The following ZNF184 variants were observed in gnomAD, a reference collection of about 807,000 sequenced individuals.
ZNF184 encodes zinc finger protein 184, also known as zinc finger protein 184 (Kruppel-like).
ZNF184 carries 16 observed loss-of-function variants against 54.4 expected under a neutral mutation model. That is an observed-to-expected ratio of 0.29 (90% CI 0.20 to 0.45). The LOEUF (loss-of-function observed/expected upper bound fraction) is 0.45, where lower values mean the gene tolerates loss of function less well. Ranked by LOEUF, ZNF184 falls within the 20% of genes least tolerant of loss-of-function variation. The pLI is 1.00. For missense variants in ZNF184, 681 were observed against 888.2 expected, an observed-to-expected ratio of 0.77 and a Z score of 2.97; for synonymous variants, 254 against 295.3, an observed-to-expected ratio of 0.86 and a Z score of 1.43.
At chr6:27,424,342 G>A in the ZNF184 span, among the ~76,000 whole-genome samples, 160 of 152,318 alleles carry the variant, frequency 1.1e-3, no homozygotes, top group Non-Finnish European at 1.5e-3. Context: ...AAAGAACAAA[G>A]CTTCCACAGG....
chr6:27,422,196 G>A, the ZNF184 span, among the ~76,000 whole-genome samples: 7,508 of 44,250 alleles, frequency 0.17, 1,667 homozygotes, highest in Middle Eastern at 0.46. Context: ...AAGAAAGAAA[G>A]AAAGAAAGAA....
the ZNF184 span, among the ~76,000 whole-genome samples, chr6:27,410,512 C>A: frequency 6.6e-6 from 1 of 152,122 alleles, no homozygotes; most frequent in African/African-American, 2.4e-5. Context: ...TGGATTTCAT[C>A]TTTTAAGCAA....
intron 5 of ZNF184, 30 bp downstream of exon 5, chr6:27,456,796 G>T (rs568402419): frequency 1.3e-6 from 2 of 1,576,282 alleles, no homozygotes; most frequent in African/African-American, 1.3e-5. Context: ...CGGAGTTAAT[G>T]ATATTCATCT....
chr6:27,413,216 G>A, the ZNF184 span, among the ~76,000 whole-genome samples: 3 of 152,146 alleles, frequency 2.0e-5, no homozygotes, highest in Non-Finnish European at 4.4e-5. Flanking sequence ...CAGAGATCGT[G>A]CCATTGCACT....
chr6:27,459,552 A>G (rs1371269289), intron 3 of ZNF184, among the ~76,000 whole-genome samples: 1 of 152,200 alleles, frequency 6.6e-6, no homozygotes, highest in Non-Finnish European at 1.5e-5. Context: ...TAAAGTGCTC[A>G]TGTGTCCTAT....
intron 3 of ZNF184, among the ~76,000 whole-genome samples, chr6:27,459,601 A>G (rs557753823): frequency 2.1e-3 from 313 of 152,320 alleles, no homozygotes; most frequent in Non-Finnish European, 3.6e-3. Flanking sequence ...TCTGGGGGGC[A>G]ATCTGACAAG....
chr6:27,458,295 TAAAAAA>T (rs55966783), intron 3 of ZNF184, among the ~76,000 whole-genome samples: 6 of 62,366 alleles, frequency 9.6e-5, no homozygotes, highest in African/African-American at 2.0e-4. Flanking sequence ...TTCTGCACAG[TAAAAAA>T]AAAAAAAAAA....
the ZNF184 span, among the ~76,000 whole-genome samples, chr6:27,411,630 G>A: frequency 0.59 from 89,442 of 152,110 alleles, 26,777 homozygotes; most frequent in Middle Eastern, 0.75. Flanking sequence ...GAGGAAGTCC[G>A]GATAGAAGGC....
At chr6:27,440,286 G>A in the ZNF184 span, among the ~76,000 whole-genome samples, 1 of 152,184 alleles carries the variant, frequency 6.6e-6, no homozygotes, top group Non-Finnish European at 1.5e-5. Context: ...GCACCCAAGA[G>A]AGTCAGTTTT....
the ZNF184 span, among the ~76,000 whole-genome samples, chr6:27,420,095 A>G: frequency 9.8e-5 from 15 of 152,312 alleles, no homozygotes; most frequent in East Asian, 1.7e-3. Flanking sequence ...CTACACTGCA[A>G]TTGCAACCCT....
the ZNF184 span, among the ~76,000 whole-genome samples, chr6:27,423,900 G>A: frequency 6.6e-6 from 1 of 152,128 alleles, no homozygotes; most frequent in Non-Finnish European, 1.5e-5. Context: ...CAGGCTTTCT[G>A]TTTATTTGGA....
intron 3 of ZNF184, among the ~76,000 whole-genome samples, chr6:27,460,314 G>A (rs144274569): frequency 6.6e-6 from 1 of 152,176 alleles, no homozygotes; most frequent in Non-Finnish European, 1.5e-5. Context: ...AACTAAGTGA[G>A]AGAGCAATAA....
chr6:27,424,203 T>C, the ZNF184 span, among the ~76,000 whole-genome samples: 1 of 152,208 alleles, frequency 6.6e-6, no homozygotes, highest in South Asian at 2.1e-4. Context: ...CGTCTGGAGT[T>C]GTTCGTTCTT....
the ZNF184 span, among the ~76,000 whole-genome samples, chr6:27,423,776 G>C: frequency 6.6e-6 from 1 of 152,134 alleles, no homozygotes; most frequent in Non-Finnish European, 1.5e-5. Context: ...TAACAAAAAT[G>C]TTATAATTTA....
chr6:27,416,371 G>A, the ZNF184 span, among the ~76,000 whole-genome samples: 23 of 152,184 alleles, frequency 1.5e-4, 1 homozygote, highest in Middle Eastern at 0.01. Context: ...TGTAGACTTG[G>A]GAAAATGAAT....
In ZNF184 at chr6:27,451,433, T is replaced by C. The variant is rs1460910813; in HGVS notation, c.2126A>G (p.Gln709Arg). ...CTGGTGCTGAATGAGATATGTGCTC[T>C]GGCTAAAAGTCTTTCTGCATTCATT... ...NCNECRKTFS[Q>R]STYLIQHQRI... The change falls in exon 6 of 6, where the codon CAG (glutamine) becomes CGG (arginine). Residue 709 changes from glutamine to arginine, a missense_variant. By Grantham distance (43) the Gln-to-Arg change is conservative. Coordinates refer to ENST00000683788, the MANE Select transcript of ZNF184 (RefSeq NM_001318891.2). 6.2e-7 allele frequency: 1 copy of C among 1,614,172 alleles called. No individual in the cohort carries two copies. Among genetic ancestry groups the C allele is most frequent in the Non-Finnish European group, 8.5e-7 (1 of 1,179,998 alleles).
At chr6:27,406,986 A>T in the ZNF184 span, 1 of 152,472 alleles carries the variant, frequency 6.6e-6, no homozygotes, top group Non-Finnish European at 1.5e-5. Context: ...GGACCCATCC[A>T]CTGCCTCCCA....
At chr6:27,455,193 G>A (rs1445844127) in intron 5 of ZNF184, among the ~76,000 whole-genome samples, 6 of 152,136 alleles carry the variant, frequency 3.9e-5, no homozygotes, top group Non-Finnish European at 7.3e-5. Context: ...AGACTTGAGG[G>A]CTGATTTACC....
chr6:27,468,025 C>T, intron 2 of ZNF184, 105 bp from the exon 3 acceptor site: 1 of 968,868 alleles, frequency 1.0e-6, no homozygotes, highest in South Asian at 1.9e-5. Context: ...GAAACTATGC[C>T]ATTTCCTTTA....
Sources: allele counts gnomAD v4.1 joint callset (sites outside exome capture counted in the v4.1 genomes callset), GRCh38; gene constraint gnomAD v4.1.1; transcripts MANE v1.5; gene names NCBI Gene and HGNC (gene_info 2026-07-23, HGNC 2026-07-21).